The following CACNA1A variants were observed in gnomAD, a reference collection of about 807,000 sequenced individuals.
The protein encoded by CACNA1A is voltage-dependent P/Q-type calcium channel subunit alpha-1A.
In CACNA1A, 57 loss-of-function variants were observed where a neutral mutation model predicts 262.4. The ratio of observed to expected loss-of-function variants is 0.22; its 90% CI spans 0.18 to 0.27. CACNA1A has a LOEUF of 0.27. Ranked by LOEUF, CACNA1A falls within the 10% of genes least tolerant of loss-of-function variation. The pLI, the probability that CACNA1A is intolerant of heterozygous loss-of-function variation, is 1.00. For missense variants in CACNA1A, 2,526 were observed against 3,562.8 expected, an observed-to-expected ratio of 0.71 and a Z score of 7.41; for synonymous variants, 1,431 against 1,419.3, an observed-to-expected ratio of 1.01 and a Z score of -0.18.
rs962834725 is a variant in CACNA1A at position 13,210,849 on chromosome 19, G to T, written c.6304-197C>A. ...AAGTCCTGGCGGGTGGGTGTCCCAGGCCCCCGGGGCTGGGCGTCCTCTATT... is the reference window on the plus strand; with the variant it reads ...AAGTCCTGGCGGGTGGGTGTCCCAGTCCCCCGGGGCTGGGCGTCCTCTATT... On this transcript the variant is annotated intron_variant, in intron 43 of 46. Coordinates refer to ENST00000360228, the MANE Select transcript of CACNA1A (RefSeq NM_001127222.2). 3 of 638,292 alleles carry T rather than the reference G, an allele frequency of 4.7e-6. No individual in the cohort carries two copies. In the Admixed American group the frequency reaches 7.5e-5, roughly 16 times the overall value. 39.5% of individuals were successfully genotyped at this position (638,292 alleles called of 1,614,324 possible). A position where few individuals can be genotyped will look rare whatever the true frequency, so the allele number is the denominator to read the frequency against.
chr19:13,347,177 G>A (rs2145195709), intron 6 of CACNA1A, among the ~76,000 whole-genome samples: 1 of 150,508 alleles, frequency 6.6e-6, no homozygotes, highest in Admixed American at 6.6e-5. Flanking sequence ...TCCCATCTCA[G>A]CCTCTCAAGT....
chr19:13,286,288 C>T (rs531964214), intron 20 of CACNA1A, among the ~76,000 whole-genome samples: 4 of 152,264 alleles, frequency 2.6e-5, no homozygotes, highest in South Asian at 2.1e-4. Context: ...ATTGCTAACC[C>T]GACTGAACAC....
intron 3 of CACNA1A, among the ~76,000 whole-genome samples, chr19:13,421,662 G>T (rs2112464): frequency 0.38 from 57,291 of 151,998 alleles, 11,941 homozygotes; most frequent in African/African-American, 0.55. Flanking sequence ...TTTCACCATG[G>T]AAAGATGCAG....
chr19:13,228,605 GAT>G lies in CACNA1A; in HGVS notation c.5529-1080_5529-1079del, dbSNP rs74181814. On this transcript the variant is annotated intron_variant, in intron 36 of 46. Coordinates refer to ENST00000360228, the MANE Select transcript of CACNA1A (RefSeq NM_001127222.2). ...CTCTGTTTTTTTAGAGAGAGAGAGA[GAT>G]ATATATATATATATATATGAAATAT... The G allele has an allele frequency of 0.22, 19,774 of 89,896 alleles. 851 individuals carry two copies. Among genetic ancestry groups the G allele is most frequent in the Non-Finnish European group, 0.29 (12,585 of 42,714 alleles). The allele number at this position is 89,896 out of a possible 1,614,324, so 5.6% of individuals were successfully genotyped here. A position where few individuals can be genotyped will look rare whatever the true frequency, so the allele number is the denominator to read the frequency against.
At chr19:13,477,171 C>T (rs926973828) in intron 1 of CACNA1A, among the ~76,000 whole-genome samples, 1 of 152,198 alleles carries the variant, frequency 6.6e-6, no homozygotes, top group Non-Finnish European at 1.5e-5. Context: ...ACCAGCTGTT[C>T]CTTCTTTCTC....
chr19:13,233,760 G>A (rs568162777), intron 34 of CACNA1A, among the ~76,000 whole-genome samples: 4 of 152,242 alleles, frequency 2.6e-5, no homozygotes, highest in Admixed American at 2.6e-4. Flanking sequence ...CAAAATGCTA[G>A]GATTACAGGC....
chr19:13,423,097 A>C (rs905816259), intron 3 of CACNA1A, among the ~76,000 whole-genome samples: 1 of 152,188 alleles, frequency 6.6e-6, no homozygotes, highest in Non-Finnish European at 1.5e-5. Flanking sequence ...ACTCCAGGTC[A>C]ATAAGATTCT....
Position 13,506,226 on chromosome 19 carries a change from C to A in CACNA1A, c.-2G>T, listed in dbSNP as rs1983023012. 1 of 1,472,860 alleles carries A rather than the reference C, an allele frequency of 6.8e-7. No individual in the cohort carries two copies. The allele number at this position is 1,472,860 out of a possible 1,614,324, so 91.2% of individuals were successfully genotyped here. A position where few individuals can be genotyped will look rare whatever the true frequency, so the allele number is the denominator to read the frequency against. ...CATCTCGTCTCCGAAGCGGGCCATT[C>A]TGCAAAGAGCAAAGGGCTCCGGGTT... On this transcript the variant is annotated 5_prime_UTR_variant, in exon 1 of 47. Transcript: ENST00000360228.
intron 19 of CACNA1A, 144 bp from the exon 20 acceptor site, chr19:13,287,110 G>A (rs2057420030): frequency 1.5e-6 from 1 of 673,794 alleles, no homozygotes; most frequent in Non-Finnish European, 2.5e-6. Context: ...CCAGCACTTT[G>A]GGAAGCGGAG....
chr19:13,259,326 TTTTTTTTTTTTTTTTTG>T lies in CACNA1A; in HGVS notation c.4388+221_4388+237del, dbSNP rs1467063342. 2.0e-4 allele frequency: 26 copies of T among 128,548 alleles called. 1 individual carries two copies. The highest frequency in any genetic ancestry group is 8.5e-4 in the South Asian group (3 of 3,544). 8.0% of individuals were successfully genotyped at this position (128,548 alleles called of 1,614,324 possible). ...ATGCCTGGCAGCTTTTTTTTTTTTT[TTTTTTTTTTTTTTTTTG>T]GGATTTTTAGTAGAAATGGAGTTTT... On this transcript the variant is annotated intron_variant, in intron 27 of 46. Transcript: ENST00000360228.
Position 13,268,285 on chromosome 19 carries a change from T to C in CACNA1A, c.3990-5452A>G, listed in dbSNP as rs376273256. On this transcript the variant is annotated intron_variant, in intron 24 of 46. Transcript: ENST00000360228. ...TAGCAGCTGGTCCTCTCGTGATTCA[T>C]TGGAATCAGGCTTGGGGCTCATTAG... Among the ~76,000 whole-genome samples the C allele has an allele frequency of 8.7e-4, 132 of 152,216 alleles. 3 individuals are homozygous for C. In the South Asian group the frequency reaches 0.025, roughly 29 times the overall value.
rs546623021 is a variant in CACNA1A, at chr19:13,402,225, T to C, written c.540-30446A>G. On this transcript the variant is annotated intron_variant, in intron 3 of 46. Transcript: ENST00000360228. ...GCTGGGGAAGAAGCCCCTTCTCCCA[T>C]TGGGGATGAGGAAAGGGAATAGGTT... Among the ~76,000 whole-genome samples, 59 of 152,330 alleles carry C rather than the reference T, an allele frequency of 3.9e-4. 1 individual carries two copies. The highest frequency in any genetic ancestry group is 6.9e-4 in the Non-Finnish European group (47 of 68,024).
chr19:13,437,012 A>G (rs1231742574), intron 3 of CACNA1A, among the ~76,000 whole-genome samples: 1 of 152,194 alleles, frequency 6.6e-6, no homozygotes. Flanking sequence ...TGGATGTTAA[A>G]TACTTTATGT....
At chr19:13,252,824 G>A in intron 30 of CACNA1A, 167 bp downstream of exon 30, 1 of 513,538 alleles carries the variant, frequency 1.9e-6, no homozygotes. Context: ...GGACTCCTTG[G>A]CAAACACAAG....
intron 24 of CACNA1A, among the ~76,000 whole-genome samples, chr19:13,269,830 A>G (rs1366456423): frequency 6.6e-6 from 1 of 152,218 alleles, no homozygotes; most frequent in Non-Finnish European, 1.5e-5. Context: ...GGACATCTTC[A>G]GAAGAGCTTC....
At chr19:13,411,787 C>T in intron 3 of CACNA1A, among the ~76,000 whole-genome samples, 1 of 152,072 alleles carries the variant, frequency 6.6e-6, no homozygotes, top group East Asian at 1.9e-4. Flanking sequence ...CTACAGCTCA[C>T]TACAGCCTCA....
At chr19:13,404,161 C>A (rs2059959483) in intron 3 of CACNA1A, among the ~76,000 whole-genome samples, 1 of 150,732 alleles carries the variant, frequency 6.6e-6, no homozygotes, top group Admixed American at 6.6e-5. Flanking sequence ...CACATATGCA[C>A]ATATGTGCAT....
At position 13,208,874 on chromosome 19, in the gene CACNA1A, GGGGGATGGTGGTGGT is replaced by G. The variant is rs2054684659; in HGVS notation, c.6647_6661del (p.His2216_Pro2220del). On this transcript the variant is annotated inframe_deletion, in exon 46 of 47. Transcript: ENST00000360228. ...GGCATAGCGGTCCTTGTCGGGGGGC[GGGGGATGGTGGTGGT>G]GGTGGTGGTGGTGGTGGTGCTGTCG... 1.3e-6 allele frequency: 2 copies of G among 1,534,826 alleles called. No individual in the cohort carries two copies. Among genetic ancestry groups the G allele is most frequent in the Admixed American group, 2.0e-5 (1 of 50,940 alleles).
chr19:13,212,505 C>A lies in CACNA1A; in HGVS notation c.6068G>T (p.Gly2023Val). ...PGGALMAHES[G>V]LKESPSWVTQ... ...CACCCAGGACGGGCTCTCCTTGAGG[C>A]CGCTTTCGTGAGCCATCCTGCATGG... Residue 2023 changes from glycine (G) to valine (V), a missense_variant, in exon 42 of 47, where the codon GGC (glycine) becomes GTC (valine). Coordinates refer to ENST00000360228, the MANE Select transcript of CACNA1A (RefSeq NM_001127222.2). This position sits in a 1 kb window ranked among gnomAD's most constrained non-coding sequence, Gnocchi z 5.6. 6.3e-7 allele frequency: 1 copy of A among 1,576,962 alleles called. No homozygotes were observed. The highest frequency in any genetic ancestry group is 8.6e-7 in the Non-Finnish European group (1 of 1,161,086).
Sources: gnomAD v4.1 joint callset for allele counts (sites outside exome capture counted in the v4.1 genomes callset) on GRCh38, gnomAD v4.1.1 for gene constraint, Gnocchi (gnomAD v3.1) non-coding constraint, MANE v1.5 for transcripts, NCBI Gene and HGNC (gene_info 2026-07-23, HGNC 2026-07-21) for gene names.